The following PCDHGB6 variants were observed in gnomAD, a reference collection of about 807,000 sequenced individuals.
The protein encoded by PCDHGB6 is protocadherin gamma subfamily B, 6, also known as protocadherin gamma-B6.
In PCDHGB6, 51 loss-of-function variants were observed where a neutral mutation model predicts 59.1. The ratio of observed to expected loss-of-function variants is 0.86; its 90% confidence interval spans 0.69 to 1.09. The LOEUF (loss-of-function observed/expected upper bound fraction) is 1.09, where lower values mean the gene tolerates loss of function less well. PCDHGB6 is among the 50% of genes least tolerant of loss of function. The probability of loss-of-function intolerance (pLI) is 0.00; values close to 1 mark genes in which losing one functional copy is unlikely to be tolerated. For missense variants in PCDHGB6, 1,148 were observed against 1,205.1 expected (o/e 0.95, Z 0.70); for synonymous variants, 466 against 495.1 (o/e 0.94, Z 0.78).
chr5:141,487,380 G>A lies in PCDHGB6; in HGVS notation c.2419-7427G>A. On this transcript the variant is annotated intron_variant, in intron 1 of 3. Transcript: ENST00000520790. This position sits in a 1 kb window ranked among gnomAD's most constrained non-coding sequence, Gnocchi z 5.0. ...GCTGGCACCTGTGCCTGTCTCACCA[G>A]ATCTCGAAGGAGGGAGGGGCTTCCC... is the stretch of plus-strand genomic sequence containing the variant. The A allele has an allele frequency of 1.2e-6, 2 of 1,614,202 alleles. No individual in the cohort carries two copies. The highest frequency in any genetic ancestry group is 2.2e-5 in the South Asian group (2 of 91,078).
In PCDHGB6 at chr5:141,431,024, A is replaced by G; in HGVS notation, c.2418+20404A>G. ...CAGCGGCAGCTTGGTCACGGCGGGCAGGATAGACCGGGAGGAGCTCTGTAT... is the reference window on the plus strand; with the variant it reads ...CAGCGGCAGCTTGGTCACGGCGGGCGGGATAGACCGGGAGGAGCTCTGTAT... On this transcript the variant is annotated intron_variant, in intron 1 of 3. Transcript: ENST00000520790. The surrounding 1 kb of genome is among the most constrained non-coding windows in gnomAD (Gnocchi z 4.8). 2.5e-6 allele frequency: 4 copies of G among 1,614,024 alleles called. No homozygotes were observed. The highest frequency in any genetic ancestry group is 3.4e-6 in the Non-Finnish European group (4 of 1,179,926).
Position 141,432,951 on chromosome 5 carries a change from G to T in PCDHGB6, c.2418+22331G>T, listed in dbSNP as rs758046420. 1.2e-6 allele frequency: 2 copies of T among 1,614,178 alleles called. No individual in the cohort carries two copies. The highest frequency in any genetic ancestry group is 4.5e-5 in the East Asian group (2 of 44,858). On this transcript the variant is annotated intron_variant, in intron 1 of 3. Coordinates refer to ENST00000520790, the MANE Select transcript of PCDHGB6 (RefSeq NM_018926.3). This position sits in a 1 kb window ranked among gnomAD's most constrained non-coding sequence, Gnocchi z 6.0. ...CGCCTGCTGCAGGCTTCAGGAGGCGGCTTGACAGGAGCGCCGGCGTCGCAC... is the reference window on the plus strand; with the variant it reads ...CGCCTGCTGCAGGCTTCAGGAGGCGTCTTGACAGGAGCGCCGGCGTCGCAC...
Position 141,490,810 on chromosome 5 carries a change from T to C in PCDHGB6, c.2419-3997T>C, listed in dbSNP as rs2099704652. On this transcript the variant is annotated intron_variant, in intron 1 of 3. Transcript: ENST00000520790. This position sits in a 1 kb window ranked among gnomAD's most constrained non-coding sequence, Gnocchi z 5.4. ...GATCTTTGCCCAGCGTACCTTTGAC[T>C]ATGAATTGCTGCAGATGCTGCAGAT... 1 of 1,613,936 alleles carries C rather than the reference T, an allele frequency of 6.2e-7. No individual in the cohort carries two copies. Among genetic ancestry groups the C allele is most frequent in the Non-Finnish European group, 8.5e-7 (1 of 1,179,884 alleles).
chr5:141,445,456 T>A (rs921684111), intron 1 of PCDHGB6, among the ~76,000 whole-genome samples: 8 of 152,218 alleles, frequency 5.3e-5, no homozygotes, highest in Non-Finnish European at 1.0e-4. Flanking sequence ...GATGCAGCAA[T>A]GAACAAGGCA....
chr5:141,478,716 G>T, intron 1 of PCDHGB6: 1 of 1,545,206 alleles, frequency 6.5e-7, no homozygotes. Flanking sequence ...TGAGATGGTG[G>T]CCTGCCAGAG....
At chr5:141,416,004 A>G (rs1225801773) in intron 1 of PCDHGB6, 2 of 254,264 alleles carry the variant, frequency 7.9e-6, no homozygotes, top group Non-Finnish European at 1.4e-5. Flanking sequence ...CAGGTCTGGT[A>G]AGAATAGGTA....
At chr5:141,426,937 C>T in intron 1 of PCDHGB6, 1 of 456,736 alleles carries the variant, frequency 2.2e-6, no homozygotes, top group Non-Finnish European at 4.4e-6. Flanking sequence ...ATGGGTGACC[C>T]AGTCCCAACT....
chr5:141,434,517 G>A (rs1476955199), intron 1 of PCDHGB6, among the ~76,000 whole-genome samples: 1 of 152,212 alleles, frequency 6.6e-6, no homozygotes, highest in East Asian at 1.9e-4. Context: ...GCTTAAAGGT[G>A]TTCTTAAACC....
chr5:141,487,822 G>C lies in PCDHGB6; in HGVS notation c.2419-6985G>C. On this transcript the variant is annotated intron_variant, in intron 1 of 3. Coordinates refer to ENST00000520790, the MANE Select transcript of PCDHGB6 (RefSeq NM_018926.3). The surrounding 1 kb of genome is among the most constrained non-coding windows in gnomAD (Gnocchi z 5.0). ...TGTCACAGTTTAGCATTGGGGGCGGGTCATGCCTATATCTGAGTAAGAAAT... is the reference window on the plus strand; with the variant it reads ...TGTCACAGTTTAGCATTGGGGGCGGCTCATGCCTATATCTGAGTAAGAAAT... 1 of 1,278,758 alleles carries C rather than the reference G, an allele frequency of 7.8e-7. No individual in the cohort carries two copies. The highest frequency in any genetic ancestry group is 1.4e-5 in the South Asian group (1 of 69,172). The allele number at this position is 1,278,758 out of a possible 1,614,324, so 79.2% of individuals were successfully genotyped here. A position where few individuals can be genotyped will look rare whatever the true frequency, so the allele number is the denominator to read the frequency against.
In PCDHGB6 at chr5:141,477,850, G is replaced by C. The variant is rs2099420608; in HGVS notation, c.2419-16957G>C. On this transcript the variant is annotated intron_variant, in intron 1 of 3. Coordinates refer to ENST00000520790, the MANE Select transcript of PCDHGB6 (RefSeq NM_018926.3). The surrounding 1 kb of genome is among the most constrained non-coding windows in gnomAD (Gnocchi z 4.9). Reference sequence around the variant, plus strand: ...CTCGGCCAGGTGGGAGCTCGGTGGAGATGCTGCCTCGAGGTACCTCAGCTG... The same window carrying C: ...CTCGGCCAGGTGGGAGCTCGGTGGACATGCTGCCTCGAGGTACCTCAGCTG... 6.2e-6 allele frequency: 10 copies of C among 1,613,328 alleles called. No individual in the cohort carries two copies. Among genetic ancestry groups the C allele is most frequent in the Non-Finnish European group, 7.6e-6 (9 of 1,179,812 alleles).
chr5:141,470,652 C>T (rs923672818), intron 1 of PCDHGB6, among the ~76,000 whole-genome samples: 1 of 152,100 alleles, frequency 6.6e-6, no homozygotes, highest in African/African-American at 2.4e-5. Context: ...AAGGCCCCTA[C>T]CCTTTGGTTA....
At chr5:141,472,980 C>CAAAAAAAAAAAAAAAAAAAAAA (rs60579131) in intron 1 of PCDHGB6, among the ~76,000 whole-genome samples, 6 of 86,102 alleles carry the variant, frequency 7.0e-5, no homozygotes, top group African/African-American at 1.2e-4. Flanking sequence ...GAGTGAAACT[C>CAAAAAAAAAAAAAAAAAAAAAA]AAAAAAAAAA....
At chr5:141,484,789 A>T (rs1215899787) in intron 1 of PCDHGB6, among the ~76,000 whole-genome samples, 1 of 152,132 alleles carries the variant, frequency 6.6e-6, no homozygotes, top group Non-Finnish European at 1.5e-5. Flanking sequence ...CCACAGAGAT[A>T]ACAACCCGTG....
intron 1 of PCDHGB6, among the ~76,000 whole-genome samples, chr5:141,483,599 G>A (rs1419379218): frequency 6.6e-6 from 1 of 152,048 alleles, no homozygotes; most frequent in African/African-American, 2.4e-5. Flanking sequence ...GGTCAGGCTG[G>A]TTTACACCTC....
intron 1 of PCDHGB6, among the ~76,000 whole-genome samples, chr5:141,474,970 A>C (rs1309289477): frequency 6.6e-6 from 1 of 152,212 alleles, no homozygotes; most frequent in Admixed American, 6.5e-5. Context: ...TAATCATTAT[A>C]ATTTTGTTTG....
chr5:141,409,345 A>T lies in PCDHGB6; in HGVS notation c.1143A>T (p.Glu381Asp), dbSNP rs1012428329. 4 of 1,613,902 alleles carry T rather than the reference A, an allele frequency of 2.5e-6. No individual in the cohort carries two copies. In the African/African-American group the frequency reaches 5.3e-5, roughly 22 times the overall value. ...TRDLDFGGNG[E>D]VRCNIETDIP... ...ATCTGGATTTCGGAGGAAATGGAGAAGTCAGGTGTAATATAGAAACAGACA... is the reference window on the plus strand; with the variant it reads ...ATCTGGATTTCGGAGGAAATGGAGATGTCAGGTGTAATATAGAAACAGACA... Residue 381 changes from glutamate (E) to aspartate (D), a missense_variant, in exon 1 of 4, where the codon GAA (glutamate) becomes GAT (aspartate). Glu to Asp is a conservative substitution (Grantham distance 45, BLOSUM62 2). This residue lies in a region of PCDHGB6 where 549 missense variants were observed against 527.5 expected (regional missense o/e 1.04). Transcript: ENST00000520790.
chr5:141,486,823 A>G lies in PCDHGB6; in HGVS notation c.2419-7984A>G, dbSNP rs778308736. On this transcript the variant is annotated intron_variant, in intron 1 of 3. Coordinates refer to ENST00000520790, the MANE Select transcript of PCDHGB6 (RefSeq NM_018926.3). The surrounding 1 kb of genome is among the most constrained non-coding windows in gnomAD (Gnocchi z 5.0). Reference sequence around the variant, plus strand: ...ACCCACCCCTTAGCAGCACTGTAACAGTTCGTCTATTTGTGCTGGACCTCA... The same window carrying G: ...ACCCACCCCTTAGCAGCACTGTAACGGTTCGTCTATTTGTGCTGGACCTCA... 1.2e-6 allele frequency: 2 copies of G among 1,614,104 alleles called. No individual in the cohort carries two copies. Among genetic ancestry groups the G allele is most frequent in the Admixed American group, 1.7e-5 (1 of 60,008 alleles).
chr5:141,501,304 C>T (rs1005430489), intron 2 of PCDHGB6, among the ~76,000 whole-genome samples: 104 of 151,340 alleles, frequency 6.9e-4, no homozygotes, highest in African/African-American at 2.2e-3. Flanking sequence ...CACACACACA[C>T]ACACACACAC....
chr5:141,510,428 G>A (rs1254357998), intron 3 of PCDHGB6, among the ~76,000 whole-genome samples: 2 of 152,092 alleles, frequency 1.3e-5, no homozygotes, highest in African/African-American at 4.8e-5. Flanking sequence ...TGGTTTCATG[G>A]CTGCTGCCCT....
Sources: allele counts gnomAD v4.1 joint callset (sites outside exome capture counted in the v4.1 genomes callset), GRCh38; gene constraint gnomAD v4.1.1; regional missense constraint gnomAD v4.1.1; non-coding constraint Gnocchi (gnomAD v3.1); transcripts MANE v1.5; gene names NCBI Gene and HGNC (gene_info 2026-07-23, HGNC 2026-07-21).